The following NME7 variants were observed in gnomAD, a reference collection of about 807,000 sequenced individuals.
The protein encoded by NME7 is NME/NM23 family member 7, also known as nucleoside diphosphate kinase 7.
Under a neutral mutation model 49.1 loss-of-function variants are expected in NME7, and 41 were observed. That is an observed-to-expected ratio of 0.83 (90% CI 0.65 to 1.08). The LOEUF (loss-of-function observed/expected upper bound fraction) is 1.08, where lower values mean the gene tolerates loss of function less well. Ranked by LOEUF, NME7 falls within the 50% of genes least tolerant of loss-of-function variation. The pLI is 0.00. For synonymous variants in NME7, 139 were observed against 150.6 expected (o/e 0.92, Z 0.56); for missense variants, 423 against 463.4 (o/e 0.91, Z 0.80).
rs1212213803 is a variant in NME7 at position 169,257,288 on chromosome 1, C to T, written c.755-19601G>A. On this transcript the variant is annotated intron_variant, in intron 7 of 11. Coordinates refer to ENST00000367811, the MANE Select transcript of NME7 (RefSeq NM_013330.5). ...GTGGTGCGCCATTTTTTAAGCCTGTCAGAAAAGCGCAGTATTTGGTTGGGA... is the reference window on the plus strand; with the variant it reads ...GTGGTGCGCCATTTTTTAAGCCTGTTAGAAAAGCGCAGTATTTGGTTGGGA... 1.5e-5 allele frequency among the ~76,000 whole-genome samples: 2 copies of T among 134,572 alleles called. 1 individual carries two copies. Among genetic ancestry groups the T allele is most frequent in the East Asian group, 4.0e-4 (2 of 4,990 alleles). 88.3% of individuals were successfully genotyped at this position (134,572 alleles called of 152,430 possible).
intron 10 of NME7, among the ~76,000 whole-genome samples, chr1:169,172,658 T>C (rs547140444): frequency 2.0e-5 from 3 of 152,344 alleles, no homozygotes; most frequent in Non-Finnish European, 2.9e-5. Context: ...TAATTGCCTA[T>C]GGCCAAATGT....
intron 11 of NME7, among the ~76,000 whole-genome samples, chr1:169,139,495 C>G (rs1571237202): frequency 6.6e-6 from 1 of 152,220 alleles, no homozygotes; most frequent in East Asian, 1.9e-4. Context: ...CATCTCCTGG[C>G]CAGGTAACCT....
At chr1:169,303,245 T>G in intron 4 of NME7, 50 bp from the exon 5 acceptor site, 1 of 938,334 alleles carries the variant, frequency 1.1e-6, no homozygotes, top group Non-Finnish European at 1.6e-6. Context: ...AATTAAACAC[T>G]TATTATTTTA....
intron 1 of NME7, among the ~76,000 whole-genome samples, chr1:169,337,064 G>A (rs1339139564): frequency 6.6e-6 from 1 of 152,234 alleles, no homozygotes; most frequent in East Asian, 1.9e-4. Context: ...CAGTCCCAGT[G>A]CCGTGTGCCC....
intron 6 of NME7, among the ~76,000 whole-genome samples, chr1:169,288,209 G>T (rs1028620306): frequency 6.6e-6 from 1 of 152,078 alleles, no homozygotes; most frequent in African/African-American, 2.4e-5. Context: ...ATGGTTATTT[G>T]GGTACTTATC....
rs150169152 is a variant in NME7, at chr1:169,210,380, T to C, written c.990+20338A>G. Among the ~76,000 whole-genome samples the C allele has an allele frequency of 4.7e-3, 720 of 152,320 alleles. 7 individuals carry two copies. Among genetic ancestry groups the C allele is most frequent in the African/African-American group, 0.016 (677 of 41,584 alleles). ...CATTCCAGAAATGTATGTGTCAACC[T>C]AGAACCTAGAGAGCATCCCAATGCT... is the stretch of plus-strand genomic sequence containing the variant. On this transcript the variant is annotated intron_variant, in intron 10 of 11. Transcript: ENST00000367811.
At chr1:169,252,666 G>T (rs1295757445) in intron 7 of NME7, among the ~76,000 whole-genome samples, 1 of 151,982 alleles carries the variant, frequency 6.6e-6, no homozygotes, top group Non-Finnish European at 1.5e-5. Context: ...TAATCCCTAG[G>T]TTTTCTTCTA....
intron 1 of NME7, among the ~76,000 whole-genome samples, chr1:169,344,098 T>C (rs959007503): frequency 3.9e-5 from 6 of 152,330 alleles, no homozygotes; most frequent in African/African-American, 1.4e-4. Flanking sequence ...CAATGTTTTG[T>C]AGTTTTCAGT....
chr1:169,363,438 T>C (rs996664363), intron 1 of NME7, among the ~76,000 whole-genome samples: 1 of 152,122 alleles, frequency 6.6e-6, no homozygotes, highest in African/African-American at 2.4e-5. Flanking sequence ...GTAGTGAATA[T>C]GTTAAGTTGC....
intron 11 of NME7, among the ~76,000 whole-genome samples, chr1:169,154,536 G>A (rs915095487): frequency 6.6e-6 from 1 of 151,870 alleles, no homozygotes; most frequent in African/African-American, 2.4e-5. Flanking sequence ...GGCCAAGCAC[G>A]GTGGCTCACA....
At chr1:169,218,685 G>GT (rs1235428426) in intron 10 of NME7, among the ~76,000 whole-genome samples, 2 of 86,726 alleles carry the variant, frequency 2.3e-5, no homozygotes, top group African/African-American at 9.8e-5. Context: ...TTTTTTTTTA[G>GT]TAATATAGCC....
chr1:169,194,420 T>C (rs149069465), intron 10 of NME7, among the ~76,000 whole-genome samples: 337 of 152,332 alleles, frequency 2.2e-3, no homozygotes, highest in African/African-American at 7.4e-3. Flanking sequence ...ACTCAGTTTA[T>C]CTGACTTTCT....
chr1:169,225,082 A>C (rs577038314), intron 10 of NME7, among the ~76,000 whole-genome samples: 1 of 152,290 alleles, frequency 6.6e-6, no homozygotes, highest in Non-Finnish European at 1.5e-5. Flanking sequence ...TTTATTAAGG[A>C]AGAATAAATA....
At chr1:169,243,902 C>T (rs147622506) in intron 7 of NME7, among the ~76,000 whole-genome samples, 2 of 152,052 alleles carry the variant, frequency 1.3e-5, no homozygotes, top group African/African-American at 2.4e-5. Flanking sequence ...AAACAATATG[C>T]CTTAATAACT....
chr1:169,310,045 T>A lies in NME7; in HGVS notation c.314A>T (p.Lys105Met). 2 of 1,608,832 alleles carry A rather than the reference T, an allele frequency of 1.2e-6. No individual in the cohort carries two copies. The highest frequency in any genetic ancestry group is 8.5e-7 in the Non-Finnish European group (1 of 1,177,674). The change falls in exon 4 of 12, where the codon AAG becomes ATG. Residue 105 changes from lysine to methionine, a missense_variant. Transcript: ENST00000367811. ...LALIKPDAIS[K>M]AGEIIEIINK... ...TATTATTTCAATTATTTCTCCAGCC[T>A]TTGATATTGCATCTGGTTTAATTAG...
At position 169,230,754 on chromosome 1, in the gene NME7, T is replaced by C. The variant is rs1647577057; in HGVS notation, c.954A>G (p.Thr318=). The C allele has an allele frequency of 3.7e-6, 6 of 1,606,244 alleles. No individual in the cohort carries two copies. The highest frequency in any genetic ancestry group is 5.1e-6 in the Non-Finnish European group (6 of 1,176,664). ...GTCCACAAAATTCTCGAAATGTCTT[T>C]GTAGCATTATTCTGTTGAATCTCCA... is the stretch of plus-strand genomic sequence containing the variant. The part of the protein sequence containing the change: ...VAMEIQQNNA[T]KTFREFCGPA... Residue 318 remains threonine (T), a synonymous_variant, in exon 10 of 12, where the codon ACA becomes ACG. Transcript: ENST00000367811.
intron 10 of NME7, among the ~76,000 whole-genome samples, chr1:169,177,649 T>A (rs2101743389): frequency 6.6e-6 from 1 of 152,050 alleles, no homozygotes; most frequent in Middle Eastern, 3.4e-3. Flanking sequence ...ACATAACCTA[T>A]AGTCCTGCAT....
At chr1:169,226,605 G>C (rs1160031494) in intron 10 of NME7, among the ~76,000 whole-genome samples, 1 of 152,194 alleles carries the variant, frequency 6.6e-6, no homozygotes, top group African/African-American at 2.4e-5. Context: ...GAAACAGAAT[G>C]TAACTCAGGA....
chr1:169,328,899 G>C (rs1364606907), intron 1 of NME7, among the ~76,000 whole-genome samples: 2 of 152,138 alleles, frequency 1.3e-5, no homozygotes, highest in Non-Finnish European at 2.9e-5. Context: ...TCAAATACAT[G>C]TAAAGCCTTC....
Sources: gnomAD v4.1 joint callset for allele counts (sites outside exome capture counted in the v4.1 genomes callset) on GRCh38, gnomAD v4.1.1 for gene constraint, MANE v1.5 for transcripts, NCBI Gene and HGNC (gene_info 2026-07-23, HGNC 2026-07-21) for gene names.